The following TLL1 variants were observed in gnomAD, a reference collection of about 807,000 sequenced individuals.
TLL1 encodes tolloid-like protein 1.
TLL1 carries 49 observed loss-of-function variants against 128.2 expected under a neutral mutation model. That is an observed-to-expected ratio of 0.38 (90% CI 0.30 to 0.48). The LOEUF (loss-of-function observed/expected upper bound fraction) is 0.48. TLL1 is among the 20% of genes least tolerant of loss of function. The probability of loss-of-function intolerance (pLI) is 0.96; values close to 1 mark genes in which losing one functional copy is unlikely to be tolerated. For synonymous variants in TLL1, 454 were observed against 418.8 expected (o/e 1.08, Z -1.03); for missense variants, 1,123 against 1,242.0 (o/e 0.90, Z 1.44).
At chr4:166,036,092 C>T (rs919819609) in intron 9 of TLL1, among the ~76,000 whole-genome samples, 19 of 152,116 alleles carry the variant, frequency 1.2e-4, no homozygotes, top group African/African-American at 4.3e-4. Flanking sequence ...GCAAGTATTA[C>T]GCTAATTGGC....
chr4:165,936,456 C>T, intron 1 of TLL1, among the ~76,000 whole-genome samples: 1 of 151,380 alleles, frequency 6.6e-6, no homozygotes, highest in Non-Finnish European at 1.5e-5. Context: ...AGGTGATCCG[C>T]CTGCCTCGCC....
At chr4:166,041,996 G>A in intron 10 of TLL1, 31 bp from the exon 11 acceptor site, 1 of 1,432,346 alleles carries the variant, frequency 7.0e-7, no homozygotes, top group Non-Finnish European at 9.8e-7. Context: ...TCCTATTTAG[G>A]AGTTTCTCTT....
At chr4:166,075,551 G>A (rs113712660) in intron 17 of TLL1, among the ~76,000 whole-genome samples, 2,210 of 152,202 alleles carry the variant, frequency 0.015, 31 homozygotes, top group East Asian at 0.044. Context: ...TACCCTACCA[G>A]ATTTCGTCCC....
chr4:166,074,976 C>T lies in TLL1; in HGVS notation c.2287C>T (p.His763Tyr). Residue 763 changes from histidine to tyrosine, a missense_variant, in exon 17 of 21, where the codon CAT (histidine) becomes TAT (tyrosine). Transcript: ENST00000061240. ...TCAATGCCGTAATGGATTTGTGCTA[C>T]ATGACAATAAACATGATTGCAAGGA... ...MCQCRNGFVL[H>Y]DNKHDCKEAE... The T allele has an allele frequency of 1.2e-6, 2 of 1,613,618 alleles. No homozygotes were observed. The highest frequency in any genetic ancestry group is 1.7e-6 in the Non-Finnish European group (2 of 1,179,612).
intron 1 of TLL1, among the ~76,000 whole-genome samples, chr4:165,963,480 AT>A (rs141663951): frequency 0.046 from 7,007 of 151,910 alleles, 523 homozygotes; most frequent in African/African-American, 0.16. Context: ...TTCATATATC[AT>A]TTTTTTCTCT....
chr4:165,882,468 T>A (rs1731004365), intron 1 of TLL1, among the ~76,000 whole-genome samples: 1 of 152,150 alleles, frequency 6.6e-6, no homozygotes, highest in Non-Finnish European at 1.5e-5. Context: ...ATATGTATAT[T>A]CTTTAGTCCC....
At chr4:166,052,079 C>A (rs1011641653) in intron 12 of TLL1, among the ~76,000 whole-genome samples, 1 of 151,822 alleles carries the variant, frequency 6.6e-6, no homozygotes, top group Non-Finnish European at 1.5e-5. Flanking sequence ...GTTTTATAGA[C>A]CAGGCAATAT....
chr4:166,096,991 A>G (rs1303707580), intron 19 of TLL1, among the ~76,000 whole-genome samples: 1 of 152,114 alleles, frequency 6.6e-6, no homozygotes, highest in African/African-American at 2.4e-5. Flanking sequence ...GGAAAATAAT[A>G]ACAATAATAA....
intron 12 of TLL1, among the ~76,000 whole-genome samples, chr4:166,054,413 G>A (rs2111109861): frequency 6.6e-6 from 1 of 151,874 alleles, no homozygotes; most frequent in Admixed American, 6.6e-5. Flanking sequence ...AAAGACTATG[G>A]AGCAATTTTT....
chr4:166,062,767 T>C (rs1166810796), intron 15 of TLL1, among the ~76,000 whole-genome samples: 3 of 151,872 alleles, frequency 2.0e-5, no homozygotes, highest in African/African-American at 7.3e-5. Context: ...TGAATAGGAG[T>C]GGTGAGAGAG....
At chr4:165,930,593 A>G (rs1225771516) in intron 1 of TLL1, among the ~76,000 whole-genome samples, 1 of 152,148 alleles carries the variant, frequency 6.6e-6, no homozygotes, top group Non-Finnish European at 1.5e-5. Context: ...ACAATAAAAT[A>G]TGTACTATCT....
intron 15 of TLL1, among the ~76,000 whole-genome samples, chr4:166,063,841 T>C (rs962562181): frequency 2.6e-5 from 4 of 151,988 alleles, no homozygotes. Flanking sequence ...CACCGGGGCC[T>C]GTCATAAGGT....
intron 5 of TLL1, among the ~76,000 whole-genome samples, chr4:166,003,166 T>C (rs771036374): frequency 2.0e-5 from 3 of 152,224 alleles, no homozygotes; most frequent in Non-Finnish European, 4.4e-5. Context: ...TTTTCTAATA[T>C]ATAGATAATT....
At chr4:166,091,069 T>C in intron 18 of TLL1, 59 bp from the exon 19 acceptor site, 1 of 1,451,482 alleles carries the variant, frequency 6.9e-7, no homozygotes, top group Non-Finnish European at 9.5e-7. Context: ...TCCCAAAAAT[T>C]ATCTCATTTT....
chr4:165,925,420 G>T (rs542295049), intron 1 of TLL1, among the ~76,000 whole-genome samples: 2 of 152,294 alleles, frequency 1.3e-5, no homozygotes, highest in East Asian at 3.9e-4. Context: ...AATTGCAGAT[G>T]TGATGGAAAT....
intron 1 of TLL1, among the ~76,000 whole-genome samples, chr4:165,882,496 A>G (rs936442497): frequency 2.0e-5 from 3 of 152,190 alleles, no homozygotes; most frequent in Non-Finnish European, 2.9e-5. Context: ...GAAATAGTAT[A>G]TAACTAAACC....
In TLL1 at chr4:166,072,681, A is replaced by G. The variant is rs28486064; in HGVS notation, c.2189-2197A>G. 4.7e-3 allele frequency among the ~76,000 whole-genome samples: 720 copies of G among 152,048 alleles called. 4 individuals carry two copies. Among genetic ancestry groups the G allele is most frequent in the African/African-American group, 0.016 (664 of 41,500 alleles). On this transcript the variant is annotated intron_variant, in intron 16 of 20. Transcript: ENST00000061240. ...GAAGTTTGGATATTAGGGATATTTT[A>G]TGTTTTGGAATTATTTTTATTATAA...
At chr4:166,022,279 C>T (rs1194045724) in intron 8 of TLL1, among the ~76,000 whole-genome samples, 1 of 151,960 alleles carries the variant, frequency 6.6e-6, no homozygotes, top group Admixed American at 6.6e-5. Context: ...ATTCCTGCCT[C>T]AGCCTCCCAA....
At chr4:165,965,213 CATAAT>C (rs1257651246) in intron 1 of TLL1, among the ~76,000 whole-genome samples, 9 of 151,970 alleles carry the variant, frequency 5.9e-5, no homozygotes, top group South Asian at 2.1e-4. Flanking sequence ...TCTGAAAAGA[CATAAT>C]ATGTTTCTTT....
Sources: gnomAD v4.1 joint callset for allele counts (sites outside exome capture counted in the v4.1 genomes callset) on GRCh38, gnomAD v4.1.1 for gene constraint, MANE v1.5 for transcripts, NCBI Gene and HGNC (gene_info 2026-07-23, HGNC 2026-07-21) for gene names.